Variants in OXCT1 observed in about 807,000 individuals in gnomAD.
OXCT1 encodes 3-oxoacid CoA-transferase 1.
In OXCT1, 27 loss-of-function variants were observed where a neutral mutation model predicts 69.6. The observed-to-expected ratio is 0.39, with a 90% CI of 0.29 to 0.54. The LOEUF (loss-of-function observed/expected upper bound fraction) is 0.54. Among genes scored for constraint, OXCT1 ranks in the 20% least tolerant of loss-of-function variants. The pLI, the probability that OXCT1 is intolerant of heterozygous loss-of-function variation, is 0.72. For missense variants in OXCT1, 437 were observed against 650.2 expected (o/e 0.67, Z 3.57); for synonymous variants, 202 against 217.8 (o/e 0.93, Z 0.64).
intron 13 of OXCT1, among the ~76,000 whole-genome samples, chr5:41,775,255 T>C (rs1300144222): frequency 3.9e-5 from 6 of 152,052 alleles, no homozygotes; most frequent in Non-Finnish European, 2.9e-5. Context: ...CAAACCCTGA[T>C]AGCAAGTCCA....
rs549105539 is a variant in OXCT1, at chr5:41,784,353, G to A, written c.1248+9650C>T. The stretch of plus-strand genomic sequence containing the variant: ...ATTTGGGTGAAAGCTTAAAGAAAAC[G>A]GGATGCAGAAGAACAAACATGCAAA... On this transcript the variant is annotated intron_variant, in intron 13 of 16. Coordinates refer to ENST00000196371, the MANE Select transcript of OXCT1 (RefSeq NM_000436.4). Among the ~76,000 whole-genome samples, 246 of 152,194 alleles carry A rather than the reference G, an allele frequency of 1.6e-3. 2 individuals carry two copies. The highest frequency in any genetic ancestry group is 0.014 in the Middle Eastern group (4 of 294).
intron 13 of OXCT1, among the ~76,000 whole-genome samples, chr5:41,764,416 A>G (rs1272660518): frequency 6.6e-6 from 1 of 152,134 alleles, no homozygotes; most frequent in Non-Finnish European, 1.5e-5. Flanking sequence ...CAACTTACTG[A>G]ATGTCTAGTA....
At chr5:41,767,386 A>G (rs1048906976) in intron 13 of OXCT1, among the ~76,000 whole-genome samples, 1 of 152,120 alleles carries the variant, frequency 6.6e-6, no homozygotes, top group African/African-American at 2.4e-5. Flanking sequence ...TTACAATAAA[A>G]ATCAGTTATC....
rs192443450 is a variant in OXCT1, at chr5:41,852,479, G to C, written c.414+940C>G. Among the ~76,000 whole-genome samples, 22 of 152,302 alleles carry C rather than the reference G, an allele frequency of 1.4e-4. 1 individual carries two copies. Among genetic ancestry groups the C allele is most frequent in the African/African-American group, 4.8e-4 (20 of 41,566 alleles). ...AGCGGAGTGGCTCAGTTCAAGAGCT[G>C]AGAGCAGAGCATGTCAAAATGAAAG... On this transcript the variant is annotated intron_variant, in intron 4 of 16. Transcript: ENST00000196371.
intron 7 of OXCT1, among the ~76,000 whole-genome samples, chr5:41,814,994 C>T (rs1188474817): frequency 6.6e-6 from 1 of 152,116 alleles, no homozygotes; most frequent in East Asian, 1.9e-4. Context: ...AACAGTCCTT[C>T]CTCTCTACAA....
intron 7 of OXCT1, among the ~76,000 whole-genome samples, chr5:41,839,475 C>T (rs927448839): frequency 1.3e-5 from 2 of 152,176 alleles, no homozygotes; most frequent in Non-Finnish European, 1.5e-5. Context: ...GTGTAAGCCA[C>T]ACTATCCATT....
chr5:41,845,206 T>G (rs1561124149), intron 5 of OXCT1, among the ~76,000 whole-genome samples: 1 of 152,170 alleles, frequency 6.6e-6, no homozygotes, highest in Non-Finnish European at 1.5e-5. Context: ...ACCTTGTACT[T>G]ACTCTTCCTT....
At chr5:41,828,099 A>AT (rs1037304724) in intron 7 of OXCT1, among the ~76,000 whole-genome samples, 92 of 151,310 alleles carry the variant, frequency 6.1e-4, no homozygotes, top group African/African-American at 2.2e-3. Context: ...TGGCTGTGCA[A>AT]TTTTTTTTTG....
intron 7 of OXCT1, among the ~76,000 whole-genome samples, chr5:41,816,708 A>G (rs1747263325): frequency 6.6e-6 from 1 of 152,160 alleles, no homozygotes; most frequent in Non-Finnish European, 1.5e-5. Flanking sequence ...ACAGCACTAG[A>G]GATAAGACCC....
At chr5:41,858,815 G>T (rs1227128284) in intron 3 of OXCT1, among the ~76,000 whole-genome samples, 1 of 151,884 alleles carries the variant, frequency 6.6e-6, no homozygotes, top group Non-Finnish European at 1.5e-5. Flanking sequence ...ACTTAAATCT[G>T]GATTAGATAA....
intron 7 of OXCT1, among the ~76,000 whole-genome samples, chr5:41,826,299 ATTTTCTCAGATAAAGAAC>A (rs1471274928): frequency 2.6e-5 from 4 of 152,160 alleles, no homozygotes; most frequent in African/African-American, 4.8e-5. Context: ...TGGAATTTTT[ATTTTCTCAGATAAAGAAC>A]TTTGGAAGAC....
At chr5:41,852,440 G>A (rs921353049) in intron 4 of OXCT1, among the ~76,000 whole-genome samples, 7 of 152,136 alleles carry the variant, frequency 4.6e-5, no homozygotes, top group African/African-American at 1.7e-4. Context: ...AATATTTTCT[G>A]TTGACTAAAA....
chr5:41,795,909 T>C (rs955278194), intron 11 of OXCT1, among the ~76,000 whole-genome samples: 2 of 152,006 alleles, frequency 1.3e-5, no homozygotes, highest in Admixed American at 6.5e-5. Context: ...AGAAAACACA[T>C]ATAGAAAAAA....
chr5:41,758,241 G>A (rs1180290840), intron 14 of OXCT1, among the ~76,000 whole-genome samples: 1 of 152,036 alleles, frequency 6.6e-6, no homozygotes, highest in African/African-American at 2.4e-5. Context: ...CTCTAGTTGG[G>A]CCAAATAAGC....
chr5:41,861,337 T>C lies in OXCT1; in HGVS notation c.255A>G (p.Leu85=). The change falls in exon 3 of 17, where the codon CTA becomes CTG. Residue 85 remains leucine, a synonymous_variant. Coordinates refer to ENST00000196371, the MANE Select transcript of OXCT1 (RefSeq NM_000436.4). ...DALLKTGVKG[L]TAVSNNAGVD... is the part of the protein sequence containing the mutation. Reference sequence around the variant, plus strand: ...ACCCTGCATTGTTGCTGACTGCAGTTAGTCCTTTTACTCCAGTTTTCAGTA... The same window carrying C: ...ACCCTGCATTGTTGCTGACTGCAGTCAGTCCTTTTACTCCAGTTTTCAGTA... 6.2e-7 allele frequency: 1 copy of C among 1,609,408 alleles called. No homozygotes were observed. The highest frequency in any genetic ancestry group is 2.2e-5 in the East Asian group (1 of 44,806).
intron 5 of OXCT1, among the ~76,000 whole-genome samples, chr5:41,846,219 GTGC>G (rs1387423840): frequency 1.3e-5 from 2 of 150,420 alleles, no homozygotes; most frequent in East Asian, 3.9e-4. Flanking sequence ...CCATGCTGGT[GTGC>G]TGCACCCACT....
At chr5:41,826,131 T>C (rs1561107821) in intron 7 of OXCT1, among the ~76,000 whole-genome samples, 1 of 152,210 alleles carries the variant, frequency 6.6e-6, no homozygotes, top group Non-Finnish European at 1.5e-5. Flanking sequence ...TCAAGAGTCA[T>C]CACAGTTTTT....
chr5:41,732,987 G>A (rs768619991), intron 16 of OXCT1, among the ~76,000 whole-genome samples: 1 of 151,952 alleles, frequency 6.6e-6, no homozygotes, highest in Non-Finnish European at 1.5e-5. Context: ...GAATAAATAA[G>A]AATAAACAAT....
At chr5:41,800,616 G>T (rs1034961620) in intron 11 of OXCT1, among the ~76,000 whole-genome samples, 1 of 151,218 alleles carries the variant, frequency 6.6e-6, no homozygotes. Context: ...TTTGGTAGAG[G>T]AACTCAGTGA....
Sources: allele counts gnomAD v4.1 joint callset (sites outside exome capture counted in the v4.1 genomes callset), GRCh38; gene constraint gnomAD v4.1.1; transcripts MANE v1.5; gene names NCBI Gene and HGNC (gene_info 2026-07-23, HGNC 2026-07-21).